The following CTNND2 variants were observed in gnomAD, a reference collection of about 807,000 sequenced individuals.
CTNND2 encodes catenin delta 2, also known as catenin delta-2.
Under a neutral mutation model 144.4 loss-of-function variants are expected in CTNND2, and 22 were observed. The observed-to-expected ratio is 0.15, with a 90% confidence interval of 0.11 to 0.22. The LOEUF is 0.22. Ranked by LOEUF, CTNND2 falls within the 10% of genes least tolerant of loss-of-function variation. The probability of loss-of-function intolerance (pLI) is 1.00; values close to 1 mark genes in which losing one functional copy is unlikely to be tolerated. For synonymous variants in CTNND2, 751 were observed against 695.6 expected (o/e 1.08, Z -1.25); for missense variants, 1,353 against 1,618.8 (o/e 0.84, Z 2.82).
chr5:11,178,797 T>C (rs1426021042), intron 11 of CTNND2, among the ~76,000 whole-genome samples: 2 of 152,208 alleles, frequency 1.3e-5, no homozygotes, highest in African/African-American at 4.8e-5. Flanking sequence ...AAGAATGTAA[T>C]GATGATTATC....
At chr5:11,662,688 T>A (rs1053455534) in intron 2 of CTNND2, among the ~76,000 whole-genome samples, 3 of 152,136 alleles carry the variant, frequency 2.0e-5, no homozygotes, top group African/African-American at 7.2e-5. Context: ...ACACTCAGTA[T>A]TAGCCATCAC....
At chr5:11,627,134 TAG>T (rs1781200945) in intron 2 of CTNND2, among the ~76,000 whole-genome samples, 1 of 152,182 alleles carries the variant, frequency 6.6e-6, no homozygotes, top group Non-Finnish European at 1.5e-5. Context: ...GCCTTTTGGA[TAG>T]ATTTATTAAC....
intron 9 of CTNND2, among the ~76,000 whole-genome samples, chr5:11,240,731 C>CAA (rs1742295631): frequency 7.1e-6 from 1 of 141,104 alleles, no homozygotes; most frequent in African/African-American, 2.6e-5. Flanking sequence ...ACACACTCAG[C>CAA]ACACACACAC....
chr5:11,107,618 T>C (rs1220854090), intron 14 of CTNND2, among the ~76,000 whole-genome samples: 1 of 152,242 alleles, frequency 6.6e-6, no homozygotes, highest in South Asian at 2.1e-4. Context: ...TTTTGACACA[T>C]ACACATATAC....
chr5:11,034,545 A>G (rs184511367), intron 16 of CTNND2, among the ~76,000 whole-genome samples: 93 of 152,342 alleles, frequency 6.1e-4, no homozygotes, highest in African/African-American at 1.8e-3. Context: ...GGACTTGTTC[A>G]TGTTGCTAAT....
At chr5:11,447,130 G>A (rs1053546715) in intron 3 of CTNND2, among the ~76,000 whole-genome samples, 7 of 152,024 alleles carry the variant, frequency 4.6e-5, no homozygotes, top group African/African-American at 9.7e-5. Flanking sequence ...GCTCAATTGC[G>A]GCCAGGAATT....
chr5:11,208,843 G>T (rs976919280), intron 10 of CTNND2, among the ~76,000 whole-genome samples: 1 of 152,088 alleles, frequency 6.6e-6, no homozygotes, highest in Non-Finnish European at 1.5e-5. Flanking sequence ...TATTGGCTAC[G>T]AACATGATAG....
At chr5:11,249,742 A>G (rs185730447) in intron 9 of CTNND2, among the ~76,000 whole-genome samples, 1 of 152,220 alleles carries the variant, frequency 6.6e-6, no homozygotes, top group African/African-American at 2.4e-5. Context: ...ATGGGAGGAA[A>G]GCTTTTGAGT....
intron 8 of CTNND2, among the ~76,000 whole-genome samples, chr5:11,360,701 GTT>G (rs1227817532): frequency 6.6e-6 from 1 of 151,880 alleles, no homozygotes; most frequent in African/African-American, 2.4e-5. Flanking sequence ...ATGTCTTCAG[GTT>G]TTTTTTGGAA....
intron 2 of CTNND2, among the ~76,000 whole-genome samples, chr5:11,579,052 A>C (rs1306246788): frequency 2.0e-5 from 3 of 152,152 alleles, no homozygotes; most frequent in Non-Finnish European, 4.4e-5. Context: ...AAGCAGCTTA[A>C]TGATTTGAAC....
At chr5:11,345,104 G>C (rs1408724704) in intron 9 of CTNND2, among the ~76,000 whole-genome samples, 1 of 152,054 alleles carries the variant, frequency 6.6e-6, no homozygotes, top group Non-Finnish European at 1.5e-5. Context: ...ATTTTCAGTA[G>C]CATATCAAGA....
intron 9 of CTNND2, among the ~76,000 whole-genome samples, chr5:11,344,270 T>C (rs1345611147): frequency 1.3e-5 from 2 of 152,064 alleles, no homozygotes. Context: ...CGGGCGCCTG[T>C]AGTCCCAGCT....
intron 5 of CTNND2, among the ~76,000 whole-genome samples, chr5:11,400,036 T>A (rs1760493552): frequency 6.6e-6 from 1 of 152,218 alleles, no homozygotes; most frequent in South Asian, 2.1e-4. Context: ...TTAGCTTTAT[T>A]AATATTACTG....
chr5:11,278,176 A>C (rs1461216345), intron 9 of CTNND2, among the ~76,000 whole-genome samples: 1 of 151,970 alleles, frequency 6.6e-6, no homozygotes. Context: ...GGACGCGCCA[A>C]TCCAATGCTT....
At chr5:11,432,897 T>G (rs1763424441) in intron 3 of CTNND2, among the ~76,000 whole-genome samples, 1 of 152,180 alleles carries the variant, frequency 6.6e-6, no homozygotes, top group Admixed American at 6.5e-5. Flanking sequence ...GGAGTATATT[T>G]ACTCCACATT....
chr5:11,212,623 A>G (rs1404626034), intron 10 of CTNND2, among the ~76,000 whole-genome samples: 1 of 152,226 alleles, frequency 6.6e-6, no homozygotes, highest in Non-Finnish European at 1.5e-5. Context: ...ATGTATGGGA[A>G]TTTTAAAGCC....
intron 9 of CTNND2, among the ~76,000 whole-genome samples, chr5:11,282,833 TAAC>T (rs1747300101): frequency 1.3e-5 from 2 of 152,226 alleles, no homozygotes; most frequent in Admixed American, 1.3e-4. Flanking sequence ...CAATCTTAAC[TAAC>T]AACAAGTAAT....
At chr5:11,624,285 T>C (rs1484266347) in intron 2 of CTNND2, among the ~76,000 whole-genome samples, 3 of 152,130 alleles carry the variant, frequency 2.0e-5, no homozygotes, top group Admixed American at 1.3e-4. Flanking sequence ...TCTTGACCAA[T>C]ACTGAACAGT....
At chr5:11,477,595 T>C (rs1220662702) in intron 3 of CTNND2, among the ~76,000 whole-genome samples, 5 of 152,036 alleles carry the variant, frequency 3.3e-5, no homozygotes, top group Admixed American at 3.3e-4. Context: ...AATTGTTTTT[T>C]GTAGACACAG....
Sources: gnomAD v4.1 joint callset for allele counts (sites outside exome capture counted in the v4.1 genomes callset) on GRCh38, gnomAD v4.1.1 for gene constraint, MANE v1.5 for transcripts, NCBI Gene and HGNC (gene_info 2026-07-23, HGNC 2026-07-21) for gene names.